The following AFF3 variants were observed in gnomAD, a reference collection of about 807,000 sequenced individuals.
AFF3 encodes ALF transcription elongation factor 3, also known as AF4/FMR2 family member 3.
In AFF3, 32 loss-of-function variants were observed where a neutral mutation model predicts 129.7. The observed-to-expected ratio is 0.25, with a 90% CI of 0.19 to 0.33. AFF3 has a LOEUF of 0.33. AFF3 is among the 10% of genes least tolerant of loss of function. AFF3 has a pLI of 1.00. For synonymous variants in AFF3, 644 were observed against 635.4 expected (o/e 1.01, Z -0.20); for missense variants, 1,373 against 1,592.0 (o/e 0.86, Z 2.34).
At chr2:99,781,624 GC>G (rs1684417416) in intron 8 of AFF3, among the ~76,000 whole-genome samples, 1 of 152,150 alleles carries the variant, frequency 6.6e-6, no homozygotes, top group South Asian at 2.1e-4. Flanking sequence ...AGACTGGATG[GC>G]CCTCAAAGCC....
rs142593300 is a variant in AFF3, at chr2:99,803,204, T to C, written c.921+34273A>G. ...CATGCTTATTCTGTTTCTATTATCA[T>C]ATGGTTTTTGTTTATAATTATGTTG... On this transcript the variant is annotated intron_variant, in intron 8 of 24. Coordinates refer to ENST00000672756, the MANE Select transcript of AFF3 (RefSeq NM_001386135.1). Among the ~76,000 whole-genome samples the C allele has an allele frequency of 6.0e-3, 920 of 152,344 alleles. 9 individuals carry two copies. The highest frequency in any genetic ancestry group is 0.031 in the Middle Eastern group (9 of 294).
intron 7 of AFF3, among the ~76,000 whole-genome samples, chr2:99,923,996 C>T (rs1696046826): frequency 6.6e-6 from 1 of 152,156 alleles, no homozygotes; most frequent in Non-Finnish European, 1.5e-5. Flanking sequence ...AGAATCTGAG[C>T]AGATGACTTA....
chr2:99,794,169 T>C (rs1242195172), intron 8 of AFF3, among the ~76,000 whole-genome samples: 3 of 152,244 alleles, frequency 2.0e-5, no homozygotes, highest in Non-Finnish European at 1.5e-5. Context: ...ACCCAGAACA[T>C]GGTCTATTTT....
At chr2:99,676,848 C>T (rs1673980623) in intron 11 of AFF3, among the ~76,000 whole-genome samples, 2 of 152,320 alleles carry the variant, frequency 1.3e-5, no homozygotes, top group South Asian at 4.1e-4. Flanking sequence ...CGCCTATCAG[C>T]CCCAGTGCAC....
At chr2:99,989,574 A>G (rs1407149211) in intron 7 of AFF3, among the ~76,000 whole-genome samples, 1 of 152,234 alleles carries the variant, frequency 6.6e-6, no homozygotes, top group East Asian at 1.9e-4. Flanking sequence ...AATTAAATAC[A>G]CCTGAAGGCC....
intron 7 of AFF3, among the ~76,000 whole-genome samples, chr2:99,855,766 T>C (rs1690479983): frequency 6.6e-6 from 1 of 152,184 alleles, no homozygotes; most frequent in African/African-American, 2.4e-5. Flanking sequence ...TGGTGACTTC[T>C]TTCCAAAGAG....
chr2:100,129,980 G>A (rs1278918384), intron 1 of AFF3, among the ~76,000 whole-genome samples: 2 of 152,162 alleles, frequency 1.3e-5, no homozygotes, highest in Non-Finnish European at 2.9e-5. Context: ...CTTTACACGT[G>A]GCCTCTATGT....
intron 7 of AFF3, among the ~76,000 whole-genome samples, chr2:99,933,485 C>T (rs1418299376): frequency 6.6e-6 from 1 of 152,062 alleles, no homozygotes; most frequent in Non-Finnish European, 1.5e-5. Context: ...CTATCCCTCA[C>T]CTTGCCCCCC....
chr2:99,698,004 C>G (rs1676466737), intron 11 of AFF3, among the ~76,000 whole-genome samples: 1 of 152,014 alleles, frequency 6.6e-6, no homozygotes, highest in Non-Finnish European at 1.5e-5. Context: ...TAAAAATTTT[C>G]TGTGTATTCC....
At chr2:99,684,944 T>TC (rs897427135) in intron 11 of AFF3, among the ~76,000 whole-genome samples, 14 of 150,804 alleles carry the variant, frequency 9.3e-5, no homozygotes, top group Non-Finnish European at 1.9e-4. Flanking sequence ...TTTCTTTCTT[T>TC]TTTTTTTTTT....
chr2:99,887,085 T>G (rs1025809361), intron 7 of AFF3, among the ~76,000 whole-genome samples: 1 of 152,218 alleles, frequency 6.6e-6, no homozygotes, highest in Non-Finnish European at 1.5e-5. Flanking sequence ...GAGAAATGGT[T>G]CTGCCCTCTG....
intron 11 of AFF3, among the ~76,000 whole-genome samples, chr2:99,724,624 G>T (rs1479443957): frequency 6.6e-6 from 1 of 152,030 alleles, no homozygotes; most frequent in Non-Finnish European, 1.5e-5. Flanking sequence ...TGGGGATATT[G>T]TTTCTATCCT....
intron 20 of AFF3, among the ~76,000 whole-genome samples, chr2:99,562,885 T>C (rs1296505557): frequency 6.6e-6 from 1 of 152,170 alleles, no homozygotes; most frequent in Non-Finnish European, 1.5e-5. Context: ...GTGTGGTTGA[T>C]CTGGTGCCAC....
At chr2:99,776,477 T>G (rs1683911214) in intron 8 of AFF3, among the ~76,000 whole-genome samples, 1 of 152,238 alleles carries the variant, frequency 6.6e-6, no homozygotes, top group African/African-American at 2.4e-5. Context: ...TTTTTAACAC[T>G]AATATCTCAT....
chr2:99,734,112 T>G (rs543790605), intron 10 of AFF3, among the ~76,000 whole-genome samples: 2 of 152,348 alleles, frequency 1.3e-5, no homozygotes, highest in African/African-American at 2.4e-5. Context: ...TTCAATAGTT[T>G]GTTAATTTTC....
chr2:99,956,281 A>T (rs1234866559), intron 7 of AFF3, among the ~76,000 whole-genome samples: 1 of 152,206 alleles, frequency 6.6e-6, no homozygotes, highest in Non-Finnish European at 1.5e-5. Flanking sequence ...AGGAACTGGG[A>T]ACAAAGGAGG....
At chr2:99,640,262 ACT>A (rs539140037) in intron 13 of AFF3, among the ~76,000 whole-genome samples, 28 of 151,784 alleles carry the variant, frequency 1.8e-4, no homozygotes, top group African/African-American at 6.8e-4. Context: ...TTAAACCCAT[ACT>A]CTGTTATCTT....
intron 2 of AFF3, among the ~76,000 whole-genome samples, chr2:100,124,160 A>T (rs368792717): frequency 3.0e-4 from 46 of 152,344 alleles, no homozygotes; most frequent in African/African-American, 9.9e-4. Context: ...AAGACAAAGG[A>T]ATCGAAAACT....
intron 13 of AFF3, among the ~76,000 whole-genome samples, chr2:99,635,242 T>TAC (rs768445907): frequency 1.3e-5 from 2 of 151,866 alleles, no homozygotes; most frequent in Non-Finnish European, 2.9e-5. Flanking sequence ...ATGATATATA[T>TAC]ACGTATCACA....
Sources: gnomAD v4.1 joint callset for allele counts (sites outside exome capture counted in the v4.1 genomes callset) on GRCh38, gnomAD v4.1.1 for gene constraint, MANE v1.5 for transcripts, NCBI Gene and HGNC (gene_info 2026-07-23, HGNC 2026-07-21) for gene names.